Variants in NPAS3 observed in about 807,000 individuals in gnomAD.
NPAS3 encodes the protein neuronal PAS domain-containing protein 3.
Under a neutral mutation model 73.1 loss-of-function variants are expected in NPAS3, and 14 were observed. The observed-to-expected ratio is 0.19, with a 90% CI of 0.13 to 0.30. NPAS3 has a LOEUF of 0.30. NPAS3 is among the 10% of genes least tolerant of loss of function. NPAS3 has a pLI of 1.00. For synonymous variants in NPAS3, 620 were observed against 541.5 expected (o/e 1.14, Z -2.01); for missense variants, 1,096 against 1,250.0 (o/e 0.88, Z 1.86).
chr14:32,953,538 T>G (rs1022632732), intron 1 of NPAS3, among the ~76,000 whole-genome samples: 3 of 152,136 alleles, frequency 2.0e-5, no homozygotes, highest in Non-Finnish European at 2.9e-5. Context: ...CATACCATTT[T>G]ATCAGTTATT....
intron 4 of NPAS3, among the ~76,000 whole-genome samples, chr14:33,543,697 C>A (rs556255990): frequency 1.3e-5 from 2 of 152,234 alleles, no homozygotes; most frequent in East Asian, 3.9e-4. Flanking sequence ...TCAGAGAGGA[C>A]AACAATCATC....
intron 3 of NPAS3, among the ~76,000 whole-genome samples, chr14:33,352,097 C>T (rs1451100659): frequency 2.0e-5 from 3 of 152,152 alleles, no homozygotes; most frequent in African/African-American, 7.2e-5. Context: ...CAAGAATACA[C>T]ATCTTTGAGG....
intron 4 of NPAS3, among the ~76,000 whole-genome samples, chr14:33,552,568 T>G (rs1244249124): frequency 1.3e-5 from 2 of 152,198 alleles, no homozygotes; most frequent in Non-Finnish European, 2.9e-5. Context: ...CATATTTGAT[T>G]CATATATAAC....
chr14:33,475,836 G>A (rs1030020630), intron 4 of NPAS3, among the ~76,000 whole-genome samples: 3 of 152,108 alleles, frequency 2.0e-5, no homozygotes, highest in Admixed American at 2.0e-4. Context: ...ACTTCACCCT[G>A]GCATTCAGCC....
At chr14:33,129,758 A>G (rs1595510134) in intron 2 of NPAS3, among the ~76,000 whole-genome samples, 1 of 152,182 alleles carries the variant, frequency 6.6e-6, no homozygotes, top group East Asian at 1.9e-4. Context: ...GTTCAGAGGT[A>G]GAAGATTTTA....
chr14:33,741,891 C>A (rs549336713), intron 7 of NPAS3, among the ~76,000 whole-genome samples: 1 of 152,122 alleles, frequency 6.6e-6, no homozygotes, highest in South Asian at 2.1e-4. Flanking sequence ...GTTTTCTGAG[C>A]CTTTGCTAGC....
At position 33,575,293 on chromosome 14, in the gene NPAS3, C is replaced by T. The variant is rs142718568; in HGVS notation, c.558+15083C>T. 2.3e-3 allele frequency among the ~76,000 whole-genome samples: 351 copies of T among 152,202 alleles called. 2 individuals are homozygous for T. The highest frequency in any genetic ancestry group is 8.1e-3 in the African/African-American group (338 of 41,506). On this transcript the variant is annotated intron_variant, in intron 5 of 11. Transcript: ENST00000356141. ...CTGCAACAATCCAAGATTCATAGAT[C>T]GTATTCATTGTTCCTATTTTTTAAC... is the stretch of plus-strand genomic sequence containing the variant.
intron 1 of NPAS3, among the ~76,000 whole-genome samples, chr14:33,012,378 G>A (rs1381495347): frequency 6.6e-6 from 1 of 152,172 alleles, no homozygotes; most frequent in African/African-American, 2.4e-5. Flanking sequence ...GCATGTATTG[G>A]TGGATGTAAC....
intron 4 of NPAS3, among the ~76,000 whole-genome samples, chr14:33,480,087 G>GT (rs1458969529): frequency 1.3e-5 from 2 of 152,164 alleles, no homozygotes; most frequent in Non-Finnish European, 2.9e-5. Flanking sequence ...CCCTTTTGAT[G>GT]TTATAAGTAG....
intron 4 of NPAS3, among the ~76,000 whole-genome samples, chr14:33,367,832 T>A (rs2045912105): frequency 6.6e-6 from 1 of 152,146 alleles, no homozygotes; most frequent in African/African-American, 2.4e-5. Flanking sequence ...GTGAACTTCA[T>A]GAAAAATAAA....
intron 9 of NPAS3, among the ~76,000 whole-genome samples, chr14:33,781,096 A>C (rs878989604): frequency 6.6e-6 from 1 of 152,230 alleles, no homozygotes; most frequent in Non-Finnish European, 1.5e-5. Context: ...TAACTCCACA[A>C]TGTCAAGTAG....
At chr14:33,349,061 G>A (rs2044891674) in intron 3 of NPAS3, among the ~76,000 whole-genome samples, 2 of 152,098 alleles carry the variant, frequency 1.3e-5, no homozygotes, top group Non-Finnish European at 1.5e-5. Flanking sequence ...AAGCTCATGG[G>A]GGAGTTCTGT....
At chr14:33,565,716 G>T (rs1048113086) in intron 5 of NPAS3, among the ~76,000 whole-genome samples, 4 of 152,100 alleles carry the variant, frequency 2.6e-5, no homozygotes, top group Non-Finnish European at 4.4e-5. Context: ...GACAAAAAAG[G>T]TATTATTTCA....
intron 5 of NPAS3, among the ~76,000 whole-genome samples, chr14:33,624,842 A>G (rs1336701503): frequency 6.6e-6 from 1 of 152,200 alleles, no homozygotes; most frequent in Non-Finnish European, 1.5e-5. Flanking sequence ...CATTCTTGTC[A>G]ATGTGTTGCC....
At chr14:33,787,216 C>G (rs1595614531) in intron 9 of NPAS3, among the ~76,000 whole-genome samples, 1 of 152,154 alleles carries the variant, frequency 6.6e-6, no homozygotes, top group East Asian at 1.9e-4. Flanking sequence ...TTTTGATTCT[C>G]CTTGTCCTAG....
intron 3 of NPAS3, among the ~76,000 whole-genome samples, chr14:33,241,359 C>T (rs755972972): frequency 4.6e-5 from 7 of 151,798 alleles, no homozygotes; most frequent in Non-Finnish European, 1.0e-4. Context: ...CACAAGGGAG[C>T]GCATCAAAGG....
chr14:33,014,650 GAGA>G (rs1468436262), intron 1 of NPAS3, among the ~76,000 whole-genome samples: 1 of 152,172 alleles, frequency 6.6e-6, no homozygotes, highest in Non-Finnish European at 1.5e-5. Flanking sequence ...ACTGTGGAAA[GAGA>G]AGGTTTGCTT....
At chr14:33,540,758 G>T (rs2054474059) in intron 4 of NPAS3, among the ~76,000 whole-genome samples, 1 of 152,114 alleles carries the variant, frequency 6.6e-6, no homozygotes, top group African/African-American at 2.4e-5. Context: ...TCAGGGAAGG[G>T]AACGAGAAAA....
chr14:33,102,498 C>T (rs751527054), intron 2 of NPAS3, among the ~76,000 whole-genome samples: 17 of 152,162 alleles, frequency 1.1e-4, no homozygotes, highest in Non-Finnish European at 2.1e-4. Flanking sequence ...TATAGAGCTG[C>T]TTACCGGACT....
Sources: gnomAD v4.1 joint callset for allele counts (sites outside exome capture counted in the v4.1 genomes callset) on GRCh38, gnomAD v4.1.1 for gene constraint, MANE v1.5 for transcripts, NCBI Gene and HGNC (gene_info 2026-07-23, HGNC 2026-07-21) for gene names.